Variants in KIF21A observed in about 807,000 individuals in gnomAD.
KIF21A encodes kinesin family member 21A, also known as kinesin-like protein KIF21A.
KIF21A carries 114 observed loss-of-function variants against 202.9 expected under a neutral mutation model. The ratio of observed to expected loss-of-function variants is 0.56; its 90% confidence interval spans 0.48 to 0.66. The LOEUF is 0.66. Ranked by LOEUF, KIF21A falls within the 30% of genes least tolerant of loss-of-function variation. The pLI, the probability that KIF21A is intolerant of heterozygous loss-of-function variation, is 0.00. For synonymous variants in KIF21A, 667 were observed against 670.8 expected (o/e 0.99, Z 0.09); for missense variants, 1,677 against 1,994.9 (o/e 0.84, Z 3.04).
chr12:39,432,886 C>G (rs1359096779), intron 1 of KIF21A, among the ~76,000 whole-genome samples: 1 of 152,154 alleles, frequency 6.6e-6, no homozygotes, highest in Non-Finnish European at 1.5e-5. Context: ...GCTGGGATTA[C>G]AGGCGTGAGC....
chr12:39,334,003 A>T (rs1394237741), intron 17 of KIF21A, among the ~76,000 whole-genome samples: 1 of 151,994 alleles, frequency 6.6e-6, no homozygotes, highest in Non-Finnish European at 1.5e-5. Context: ...GGAGTTCGAG[A>T]CCAGCCTGGC....
chr12:39,326,759 T>A (rs1945969984), intron 24 of KIF21A, among the ~76,000 whole-genome samples: 2 of 152,376 alleles, frequency 1.3e-5, no homozygotes, highest in East Asian at 3.9e-4. Context: ...TTATACTTTA[T>A]CAGTTATGCC....
rs1239897746 is a variant in KIF21A, at chr12:39,294,383, A to G, written c.*41T>C. On this transcript the variant is annotated 3_prime_UTR_variant, in exon 38 of 38. Transcript: ENST00000361418. ...ACATTTTCCATAAAGAATACAGAGTATTATCACAGCATTCAGTTTACAACC... is the reference window on the plus strand; with the variant it reads ...ACATTTTCCATAAAGAATACAGAGTGTTATCACAGCATTCAGTTTACAACC... 1.4e-6 allele frequency: 2 copies of G among 1,398,444 alleles called. No homozygotes were observed. The highest frequency in any genetic ancestry group is 4.6e-5 in the East Asian group (2 of 43,872). The allele number at this position is 1,398,444 out of a possible 1,614,324, so 86.6% of individuals were successfully genotyped here. A position where few individuals can be genotyped will look rare whatever the true frequency, so the allele number is the denominator to read the frequency against.
In KIF21A at chr12:39,322,788, C is replaced by T; in HGVS notation, c.3551G>A (p.Gly1184Asp). 1 of 1,613,970 alleles carries T rather than the reference C, an allele frequency of 6.2e-7. No homozygotes were observed. The highest frequency in any genetic ancestry group is 8.5e-7 in the Non-Finnish European group (1 of 1,179,956). Residue 1184 changes from glycine (G) to aspartate (D), a missense_variant, in exon 27 of 38, where the codon GGC becomes GAC. Gly to Asp is a moderately conservative substitution (Grantham distance 94, BLOSUM62 -1). Coordinates refer to ENST00000361418, the MANE Select transcript of KIF21A (RefSeq NM_001173464.2). ...CCCTTCTGCAACAGGTGTGAGAGGG[C>T]CAGGCAAGGAGGCATCTCCTGTACT... is the stretch of plus-strand genomic sequence containing the variant. ...DTSTGDASLP[G>D]PLTPVAEGQE...
intron 1 of KIF21A, among the ~76,000 whole-genome samples, chr12:39,437,007 G>C (rs1035705195): frequency 6.6e-6 from 1 of 152,134 alleles, no homozygotes; most frequent in Non-Finnish European, 1.5e-5. Context: ...CAGGCCACAT[G>C]TGATTTTGAC....
intron 25 of KIF21A, 152 bp from the exon 26 acceptor site, chr12:39,326,045 T>C: frequency 2.9e-6 from 2 of 687,350 alleles, no homozygotes; most frequent in Non-Finnish European, 4.9e-6. Flanking sequence ...AATTTAAAAA[T>C]AATTCATTTA....
chr12:39,328,546 A>G (rs941167428), intron 24 of KIF21A, among the ~76,000 whole-genome samples: 1 of 152,142 alleles, frequency 6.6e-6, no homozygotes, highest in Non-Finnish European at 1.5e-5. Flanking sequence ...GATAGTGGTG[A>G]CCGTGGGGAT....
At chr12:39,330,687 A>T (rs1438012586) in intron 23 of KIF21A, 59 bp downstream of exon 23, 1 of 1,458,654 alleles carries the variant, frequency 6.9e-7, no homozygotes, top group Admixed American at 1.7e-5. Context: ...ATACTATACC[A>T]TGTTCAAAAA....
chr12:39,334,498 C>A (rs1380455126), intron 17 of KIF21A, among the ~76,000 whole-genome samples: 1 of 152,118 alleles, frequency 6.6e-6, no homozygotes, highest in East Asian at 1.9e-4. Context: ...ACAGCCATAT[C>A]TTAATTGCCT....
chr12:39,428,897 GC>G (rs1954969709), intron 1 of KIF21A, among the ~76,000 whole-genome samples: 1 of 151,420 alleles, frequency 6.6e-6, no homozygotes, highest in South Asian at 2.1e-4. Context: ...GTCAGAGGTT[GC>G]AGTGAGCCGG....
At chr12:39,321,624 C>T (rs1945271669) in intron 27 of KIF21A, 1 of 152,148 alleles carries the variant, frequency 6.6e-6, no homozygotes, top group African/African-American at 2.4e-5. Context: ...AAAATTAATT[C>T]TGGAACAAAA....
intron 1 of KIF21A, among the ~76,000 whole-genome samples, chr12:39,440,456 G>T (rs997171062): frequency 4.6e-5 from 7 of 152,138 alleles, no homozygotes; most frequent in African/African-American, 1.7e-4. Flanking sequence ...AGATTGTTAT[G>T]AGGAATAAAT....
chr12:39,294,068 G>C lies in KIF21A; in HGVS notation c.*356C>G, dbSNP rs764163088. On this transcript the variant is annotated 3_prime_UTR_variant, in exon 38 of 38. Transcript: ENST00000361418. ...AAACTACATGAATGAGTTAATGGTGGGCTGCATCGTATTCCAGGTGTGTTT... is the reference window on the plus strand; with the variant it reads ...AAACTACATGAATGAGTTAATGGTGCGCTGCATCGTATTCCAGGTGTGTTT... The C allele has an allele frequency of 4.3e-6, 1 of 234,728 alleles. No individual in the cohort carries two copies. Among genetic ancestry groups the C allele is most frequent in the South Asian group, 6.0e-5 (1 of 16,622 alleles). 14.5% of individuals were successfully genotyped at this position (234,728 alleles called of 1,614,324 possible).
intron 1 of KIF21A, among the ~76,000 whole-genome samples, chr12:39,417,980 G>A (rs1263705632): frequency 6.6e-6 from 1 of 152,064 alleles, no homozygotes; most frequent in Non-Finnish European, 1.5e-5. Context: ...GGCTAAGGCA[G>A]GTGGATCTCT....
intron 27 of KIF21A, chr12:39,322,330 T>A (rs1182728744): frequency 5.2e-6 from 1 of 193,294 alleles, no homozygotes; most frequent in African/African-American, 2.4e-5. Flanking sequence ...TGTTTATACA[T>A]AATAGTTATA....
At chr12:39,415,964 G>T (rs78039352) in intron 1 of KIF21A, among the ~76,000 whole-genome samples, 1 of 152,120 alleles carries the variant, frequency 6.6e-6, no homozygotes, top group Non-Finnish European at 1.5e-5. Flanking sequence ...TCAGTTCAAG[G>T]AAAGCTTAAT....
chr12:39,397,069 AC>A (rs1951810119), intron 1 of KIF21A, among the ~76,000 whole-genome samples: 1 of 152,226 alleles, frequency 6.6e-6, no homozygotes, highest in African/African-American at 2.4e-5. Context: ...ATTAGTAAAT[AC>A]AACAGAACTT....
At position 39,318,302 on chromosome 12, in the gene KIF21A, G is replaced by C. The variant is rs1944803416; in HGVS notation, c.3780-101C>G. 8 of 1,086,946 alleles carry C rather than the reference G, an allele frequency of 7.4e-6. No homozygotes were observed. The Middle Eastern group carries it at 6.5e-4, about 88-fold the overall frequency. 67.3% of individuals were successfully genotyped at this position (1,086,946 alleles called of 1,614,324 possible). ...TCTTTTAAAAAAAAGCTTTTTATTA[G>C]AGAACTCCTTCTTTCCTTTCTTCCT... is the stretch of plus-strand genomic sequence containing the variant. On this transcript the variant is annotated intron_variant, in intron 28 of 37. Transcript: ENST00000361418.
At chr12:39,388,904 T>G (rs1187981127) in intron 1 of KIF21A, among the ~76,000 whole-genome samples, 2 of 152,130 alleles carry the variant, frequency 1.3e-5, no homozygotes, top group Admixed American at 1.3e-4. Context: ...GAAACCTCAC[T>G]GAAAGAAATG....
Sources: gnomAD v4.1 joint callset for allele counts (sites outside exome capture counted in the v4.1 genomes callset) on GRCh38, gnomAD v4.1.1 for gene constraint, MANE v1.5 for transcripts, NCBI Gene and HGNC (gene_info 2026-07-23, HGNC 2026-07-21) for gene names.